LYPD6: variants seen among roughly 807,000 people sequenced by gnomAD.
The protein encoded by LYPD6 is LY6/PLAUR domain containing 6, also known as ly6/PLAUR domain-containing protein 6.
A neutral mutation model predicts 22.7 loss-of-function variants in LYPD6; 15 were observed. The ratio of observed to expected loss-of-function variants is 0.66; its 90% CI spans 0.44 to 1.02. LYPD6 has a LOEUF of 1.02. LYPD6 is among the 50% of genes least tolerant of loss of function. The probability of loss-of-function intolerance (pLI) is 0.00; values close to 1 mark genes in which losing one functional copy is unlikely to be tolerated. For synonymous variants in LYPD6, 72 were observed against 77.5 expected, an observed-to-expected ratio of 0.93 and a Z score of 0.37; for missense variants, 189 against 208.4, an observed-to-expected ratio of 0.91 and a Z score of 0.57.
the LYPD6 span, among the ~76,000 whole-genome samples, chr2:149,482,565 C>G: frequency 6.6e-6 from 1 of 152,140 alleles, no homozygotes; most frequent in African/African-American, 2.4e-5. Flanking sequence ...TCTTCAGACC[C>G]CTTCCATTCT....
intron 1 of LYPD6, among the ~76,000 whole-genome samples, chr2:149,401,485 C>T (rs1682554093): frequency 6.6e-6 from 1 of 152,170 alleles, no homozygotes; most frequent in African/African-American, 2.4e-5. Flanking sequence ...TCCAGGAAGC[C>T]CTCTGTGAGC....
At chr2:149,387,170 A>G (rs1185496776) in intron 1 of LYPD6, among the ~76,000 whole-genome samples, 1 of 152,234 alleles carries the variant, frequency 6.6e-6, no homozygotes, top group Admixed American at 6.5e-5. Context: ...CTATTTTTAT[A>G]TAATATTAAC....
chr2:149,478,399 T>TGTGTGC (rs1491190671), downstream of LYPD6, among the ~76,000 whole-genome samples: 17 of 150,084 alleles, frequency 1.1e-4, no homozygotes, highest in South Asian at 4.2e-4. Flanking sequence ...TGTGTGTGTG[T>TGTGTGC]GCGCGCACGC....
rs1220153495 is a variant in LYPD6, at chr2:149,449,083, C to T, written c.153C>T (p.Thr51=). 6.2e-7 allele frequency: 1 copy of T among 1,613,458 alleles called. No homozygotes were observed. The highest frequency in any genetic ancestry group is 1.7e-5 in the Admixed American group (1 of 59,954). The change falls in exon 3 of 5, where the codon ACC becomes ACT. Residue 51 remains threonine (T), a synonymous_variant. Transcript: ENST00000334166. ...ATCCTGGTGGATTTAAATGTTTCAC[C>T]TGTGAAAAGGCAGCAGACAATTATG... The part of the protein sequence containing the change: ...TPYPGGFKCF[T]CEKAADNYEC...
intron 1 of LYPD6, among the ~76,000 whole-genome samples, chr2:149,408,164 A>T (rs1682766800): frequency 1.3e-5 from 2 of 152,248 alleles, no homozygotes; most frequent in Admixed American, 1.3e-4. Context: ...CCTCCCAGTT[A>T]GGCTGCTCGG....
chr2:149,468,106 G>A (rs1242633781), intron 3 of LYPD6, among the ~76,000 whole-genome samples: 4 of 145,310 alleles, frequency 2.8e-5, no homozygotes, highest in South Asian at 2.2e-4. Context: ...AAATTGTTCT[G>A]CTCTTGTGAA....
chr2:149,406,115 C>G (rs1290753269), intron 1 of LYPD6, among the ~76,000 whole-genome samples: 2 of 150,398 alleles, frequency 1.3e-5, no homozygotes, highest in African/African-American at 4.9e-5. Context: ...GTTATAATCT[C>G]TGTTCTTTTA....
chr2:149,405,809 C>A (rs1682690026), intron 1 of LYPD6, among the ~76,000 whole-genome samples: 1 of 148,912 alleles, frequency 6.7e-6, no homozygotes, highest in Middle Eastern at 3.4e-3. Flanking sequence ...TTTTCTAGTT[C>A]TTTTAATTGT....
chr2:149,402,943 A>T (rs1425027284), intron 1 of LYPD6, among the ~76,000 whole-genome samples: 1 of 139,596 alleles, frequency 7.2e-6, no homozygotes, highest in African/African-American at 2.7e-5. Flanking sequence ...ATGTGTTCTC[A>T]TTGTTCAATT....
chr2:149,426,285 C>T (rs79292965), intron 1 of LYPD6, among the ~76,000 whole-genome samples: 1,840 of 152,246 alleles, frequency 0.012, 45 homozygotes, highest in African/African-American at 0.042. Context: ...ACAACTCTCA[C>T]GGTTTTTGGA....
chr2:149,408,119 C>T (rs532016960), intron 1 of LYPD6, among the ~76,000 whole-genome samples: 41 of 152,158 alleles, frequency 2.7e-4, no homozygotes, highest in African/African-American at 7.9e-4. Context: ...AGTACCCGGC[C>T]GTGTGAGTTG....
chr2:149,440,744 A>G (rs1683546442), intron 2 of LYPD6, among the ~76,000 whole-genome samples: 1 of 121,288 alleles, frequency 8.2e-6, no homozygotes, highest in Admixed American at 1.2e-4. Context: ...TCTGTCGCCC[A>G]GGCTGGAGTG....
intron 4 of LYPD6, among the ~76,000 whole-genome samples, chr2:149,469,515 C>T (rs527567991): frequency 6.6e-6 from 1 of 152,246 alleles, no homozygotes; most frequent in African/African-American, 2.4e-5. Flanking sequence ...GGTGGCCTTC[C>T]TGGTGGTTTG....
Position 149,400,004 on chromosome 2 carries a change from G to T in LYPD6, c.-71-37634G>T, listed in dbSNP as rs529745262. ...TGCTGGTCCACAAAACCCTCCAGCT[G>T]ACAACCCACAGATGCAGGGTGGAAA... is the stretch of plus-strand genomic sequence containing the variant. On this transcript the variant is annotated intron_variant, in intron 1 of 4. Transcript: ENST00000334166. Among the ~76,000 whole-genome samples the T allele has an allele frequency of 3.9e-5, 6 of 152,314 alleles. No individual in the cohort carries two copies. In the East Asian group the frequency reaches 1.2e-3, roughly 29 times the overall value.
At chr2:149,362,755 C>A (rs929099975) in intron 1 of LYPD6, among the ~76,000 whole-genome samples, 1 of 152,120 alleles carries the variant, frequency 6.6e-6, no homozygotes, top group Non-Finnish European at 1.5e-5. Flanking sequence ...TAGGAACGTA[C>A]TCTTATGATA....
At chr2:149,458,365 A>G (rs1476726726) in intron 3 of LYPD6, among the ~76,000 whole-genome samples, 1 of 152,190 alleles carries the variant, frequency 6.6e-6, no homozygotes, top group East Asian at 1.9e-4. Context: ...TGGAGAGTCA[A>G]GACTTCACCC....
chr2:149,363,898 G>C (rs978839221), intron 1 of LYPD6, among the ~76,000 whole-genome samples: 1 of 152,072 alleles, frequency 6.6e-6, no homozygotes, highest in Non-Finnish European at 1.5e-5. Context: ...ATGCTCTTTT[G>C]CCCTCCTAGT....
At chr2:149,431,807 CCAT>C (rs1395044786) in intron 1 of LYPD6, among the ~76,000 whole-genome samples, 21 of 152,010 alleles carry the variant, frequency 1.4e-4, no homozygotes, top group Admixed American at 4.6e-4. Flanking sequence ...TCAAAGGACT[CCAT>C]CAAGAAAGTA....
chr2:149,420,089 AAG>A (rs1683047542), intron 1 of LYPD6, among the ~76,000 whole-genome samples: 1 of 152,196 alleles, frequency 6.6e-6, no homozygotes, highest in Non-Finnish European at 1.5e-5. Context: ...AGTGACTAGA[AAG>A]AGAGGCCAGA....
Sources: gnomAD v4.1 joint callset for allele counts (sites outside exome capture counted in the v4.1 genomes callset) on GRCh38, gnomAD v4.1.1 for gene constraint, MANE v1.5 for transcripts, NCBI Gene and HGNC (gene_info 2026-07-23, HGNC 2026-07-21) for gene names.